AUTS2: variants seen among roughly 807,000 people sequenced by gnomAD.
AUTS2 encodes the protein autism susceptibility gene 2 protein.
Under a neutral mutation model 112.4 loss-of-function variants are expected in AUTS2, and 17 were observed. The ratio of observed to expected loss-of-function variants is 0.15; its 90% CI spans 0.10 to 0.23. The LOEUF (loss-of-function observed/expected upper bound fraction) is 0.23, where lower values mean the gene tolerates loss of function less well. AUTS2 is among the 10% of genes least tolerant of loss of function. The pLI, the probability that AUTS2 is intolerant of heterozygous loss-of-function variation, is 1.00. For synonymous variants in AUTS2, 751 were observed against 702.7 expected (o/e 1.07, Z -1.09); for missense variants, 1,510 against 1,701.6 (o/e 0.89, Z 1.98).
At chr7:70,722,648 GCTCAGC>G in intron 6 of AUTS2, among the ~76,000 whole-genome samples, 2 of 152,314 alleles carry the variant, frequency 1.3e-5, no homozygotes, top group South Asian at 4.1e-4. Flanking sequence ...GGGAAGTGGG[GCTCAGC>G]ACCCCTTAAG....
At chr7:70,070,746 C>G (rs907017702) in intron 2 of AUTS2, among the ~76,000 whole-genome samples, 1 of 151,976 alleles carries the variant, frequency 6.6e-6, no homozygotes, top group African/African-American at 2.4e-5. Context: ...GTGGCACACA[C>G]CTGTAGTCCC....
At chr7:70,110,859 C>CTTTTTTTTTTTTTTT (rs71077618) in intron 2 of AUTS2, among the ~76,000 whole-genome samples, 7 of 82,780 alleles carry the variant, frequency 8.5e-5, no homozygotes, top group African/African-American at 1.6e-4. Context: ...TTCTTTCTTT[C>CTTTTTTTTTTTTTTT]TTTTTTTTTT....
intron 2 of AUTS2, among the ~76,000 whole-genome samples, chr7:70,035,917 T>C (rs1448133970): frequency 6.6e-6 from 1 of 152,194 alleles, no homozygotes; most frequent in Non-Finnish European, 1.5e-5. Flanking sequence ...AGATATGTAA[T>C]GTTGAAAAAT....
intron 6 of AUTS2, among the ~76,000 whole-genome samples, chr7:70,747,800 C>A (rs200550256): frequency 6.9e-4 from 101 of 146,306 alleles, no homozygotes; most frequent in African/African-American, 2.6e-3. Context: ...GAGCTCATTT[C>A]TTTATTTTAT....
chr7:70,738,545 C>T (rs897772817), intron 6 of AUTS2, among the ~76,000 whole-genome samples: 2 of 151,560 alleles, frequency 1.3e-5, no homozygotes, highest in Non-Finnish European at 2.9e-5. Context: ...CTGTGAGGTA[C>T]GTGGTGGGCA....
At chr7:70,124,190 T>C (rs1805839259) in intron 3 of AUTS2, among the ~76,000 whole-genome samples, 1 of 152,204 alleles carries the variant, frequency 6.6e-6, no homozygotes, top group African/African-American at 2.4e-5. Context: ...TTGCCCACTT[T>C]TTAATGGAGT....
At chr7:70,128,584 G>A (rs1348764024) in intron 3 of AUTS2, among the ~76,000 whole-genome samples, 1 of 152,222 alleles carries the variant, frequency 6.6e-6, no homozygotes, top group Non-Finnish European at 1.5e-5. Context: ...CCTATCAGAA[G>A]CATGTTGTGT....
intron 6 of AUTS2, among the ~76,000 whole-genome samples, chr7:70,758,110 T>G (rs1563176697): frequency 6.6e-6 from 1 of 152,120 alleles, no homozygotes; most frequent in Non-Finnish European, 1.5e-5. Flanking sequence ...TAAAATAAGA[T>G]GAATATATAT....
intron 2 of AUTS2, among the ~76,000 whole-genome samples, chr7:69,908,059 T>C (rs1472505310): frequency 1.3e-5 from 2 of 152,248 alleles, no homozygotes; most frequent in Admixed American, 6.5e-5. Context: ...ACTCTCTTTT[T>C]AATTAAATAT....
At chr7:70,700,184 C>T (rs1356498159) in intron 6 of AUTS2, among the ~76,000 whole-genome samples, 2 of 152,116 alleles carry the variant, frequency 1.3e-5, no homozygotes, top group Non-Finnish European at 2.9e-5. Context: ...CAAACGTTTC[C>T]CACATTCTTA....
chr7:70,122,453 G>A (rs1368858699), intron 3 of AUTS2, among the ~76,000 whole-genome samples: 1 of 152,066 alleles, frequency 6.6e-6, no homozygotes, highest in Admixed American at 6.6e-5. Flanking sequence ...TGTGTCACCT[G>A]TGCCATTTCT....
intron 4 of AUTS2, among the ~76,000 whole-genome samples, chr7:70,347,665 C>T (rs1355841221): frequency 6.6e-6 from 1 of 152,154 alleles, no homozygotes; most frequent in Non-Finnish European, 1.5e-5. Flanking sequence ...TCTTTGCCAG[C>T]GGTGTGCAGC....
intron 6 of AUTS2, among the ~76,000 whole-genome samples, chr7:70,714,404 C>G (rs951478795): frequency 6.6e-6 from 1 of 152,056 alleles, no homozygotes; most frequent in Non-Finnish European, 1.5e-5. Context: ...TACTTTAGTG[C>G]ACATCTATAA....
chr7:69,965,213 A>G (rs934186879), intron 2 of AUTS2, among the ~76,000 whole-genome samples: 199 of 152,276 alleles, frequency 1.3e-3, no homozygotes, highest in African/African-American at 4.6e-3. Flanking sequence ...CACGGCTATA[A>G]TGATAGGAAA....
intron 4 of AUTS2, among the ~76,000 whole-genome samples, chr7:70,168,796 T>C (rs538728109): frequency 6.6e-6 from 1 of 152,210 alleles, no homozygotes; most frequent in Non-Finnish European, 1.5e-5. Context: ...AATATAAAGT[T>C]CTCTGTGTGC....
Position 70,451,435 on chromosome 7 carries a change from CT to C in AUTS2, c.690+15664del, listed in dbSNP as rs567439516. Among the ~76,000 whole-genome samples the C allele has an allele frequency of 5.9e-4, 88 of 148,146 alleles. 1 individual carries two copies. The highest frequency in any genetic ancestry group is 1.6e-3 in the African/African-American group (65 of 40,518). On this transcript the variant is annotated intron_variant, in intron 5 of 18. Transcript: ENST00000342771. ...ATCGTAGCACTTGATATTTGTATAG[CT>C]TTTTTTTTTACTGTACATATCTTTA...
chr7:70,177,667 G>A (rs1188208182), intron 4 of AUTS2, among the ~76,000 whole-genome samples: 1 of 152,108 alleles, frequency 6.6e-6, no homozygotes. Context: ...TTCAGGTTCT[G>A]GCTAGGGGTT....
intron 3 of AUTS2, among the ~76,000 whole-genome samples, chr7:70,123,239 A>G (rs1202090337): frequency 6.6e-6 from 1 of 152,164 alleles, no homozygotes; most frequent in Non-Finnish European, 1.5e-5. Context: ...AGCAACACCT[A>G]CCTGCACAAT....
chr7:70,449,165 G>A (rs765507163), intron 5 of AUTS2, among the ~76,000 whole-genome samples: 2 of 152,192 alleles, frequency 1.3e-5, no homozygotes, highest in African/African-American at 2.4e-5. Context: ...GTGAGCAGAG[G>A]GCTAAATGCC....
Sources: allele counts gnomAD v4.1 joint callset (sites outside exome capture counted in the v4.1 genomes callset), GRCh38; gene constraint gnomAD v4.1.1; transcripts MANE v1.5; gene names NCBI Gene and HGNC (gene_info 2026-07-23, HGNC 2026-07-21).